Variants in ATF7IP2 observed in about 807,000 individuals in gnomAD.
The protein encoded by ATF7IP2 is activating transcription factor 7-interacting protein 2.
ATF7IP2 carries 42 observed loss-of-function variants against 64.2 expected under a neutral mutation model. That is an observed-to-expected ratio of 0.65 (90% CI 0.51 to 0.85). The LOEUF (loss-of-function observed/expected upper bound fraction) is 0.85. Ranked by LOEUF, ATF7IP2 falls within the 40% of genes least tolerant of loss-of-function variation. The pLI is 0.00. For missense variants in ATF7IP2, 933 were observed against 784.2 expected, an observed-to-expected ratio of 1.19 and a Z score of -2.27; for synonymous variants, 308 against 272.8, an observed-to-expected ratio of 1.13 and a Z score of -1.27.
chr16:10,460,617 C>G (rs1428419462), intron 9 of ATF7IP2, among the ~76,000 whole-genome samples: 4 of 152,104 alleles, frequency 2.6e-5, no homozygotes, highest in East Asian at 1.9e-4. Context: ...AAATGATTGA[C>G]TTTTAGTAAA....
chr16:10,440,699 C>T, intron 8 of ATF7IP2, among the ~76,000 whole-genome samples: 1 of 152,130 alleles, frequency 6.6e-6, no homozygotes, highest in Non-Finnish European at 1.5e-5. Context: ...ATTGGCTTCC[C>T]CCACCCCCAT....
intron 8 of ATF7IP2, chr16:10,446,677 G>A (rs1169240591): frequency 1.3e-5 from 2 of 152,166 alleles, no homozygotes; most frequent in Admixed American, 1.3e-4. Flanking sequence ...TTTTTCTTGT[G>A]TTTAGTCCTT....
At chr16:10,436,635 T>G (rs2048429326) in intron 6 of ATF7IP2, among the ~76,000 whole-genome samples, 1 of 152,114 alleles carries the variant, frequency 6.6e-6, no homozygotes, top group Admixed American at 6.5e-5. Context: ...TATAAGAGTT[T>G]AACGTAGGAA....
chr16:10,460,007 G>A (rs955125861), intron 9 of ATF7IP2, among the ~76,000 whole-genome samples: 2 of 152,146 alleles, frequency 1.3e-5, no homozygotes, highest in African/African-American at 4.8e-5. Context: ...ATTTTGGGGT[G>A]ATTGGGGGGT....
At chr16:10,437,500 C>T (rs118124061) in intron 6 of ATF7IP2, among the ~76,000 whole-genome samples, 8 of 152,234 alleles carry the variant, frequency 5.3e-5, no homozygotes, top group Non-Finnish European at 1.0e-4. Context: ...TGCTCTTTTG[C>T]GTATTACCTT....
intron 6 of ATF7IP2, among the ~76,000 whole-genome samples, chr16:10,435,332 C>A (rs1375060138): frequency 1.3e-5 from 2 of 152,080 alleles, no homozygotes; most frequent in Non-Finnish European, 2.9e-5. Context: ...AAGGGTTTTT[C>A]CTTTACAGTC....
At chr16:10,400,019 C>G (rs1314260273) in intron 1 of ATF7IP2, among the ~76,000 whole-genome samples, 2 of 152,052 alleles carry the variant, frequency 1.3e-5, no homozygotes, top group African/African-American at 4.8e-5. Flanking sequence ...AAATGCTACA[C>G]ATTTTAATTT....
Position 10,430,626 on chromosome 16 carries a change from A to G in ATF7IP2, c.6A>G (p.Ala2=). Residue 2 remains alanine, a synonymous_variant, in exon 5 of 14, where the codon GCA becomes GCG. Coordinates refer to ENST00000562102, the MANE Select transcript of ATF7IP2 (RefSeq NM_001393719.1). ...TAAATTCCAGGATATGAAAGATGGC[A>G]AGTCCAGATAGAAGTAAACGGAAGA... M[A]SPDRSKRKIL... is the part of the protein sequence containing the mutation. The G allele has an allele frequency of 6.2e-7, 1 of 1,604,226 alleles. No individual in the cohort carries two copies. Among genetic ancestry groups the G allele is most frequent in the East Asian group, 2.2e-5 (1 of 44,694 alleles).
intron 12 of ATF7IP2, 66 bp from the exon 13 acceptor site, chr16:10,480,813 G>A: frequency 9.3e-7 from 1 of 1,073,024 alleles, no homozygotes; most frequent in Non-Finnish European, 1.4e-6. Flanking sequence ...GTAAACTATA[G>A]CTTAAAGGCT....
At chr16:10,466,292 T>G (rs1194776347) in intron 9 of ATF7IP2, among the ~76,000 whole-genome samples, 3 of 152,266 alleles carry the variant, frequency 2.0e-5, no homozygotes, top group Non-Finnish European at 4.4e-5. Context: ...CCATTTTGAT[T>G]GTTTGCAGAT....
intron 9 of ATF7IP2, 91 bp from the exon 10 acceptor site, chr16:10,472,019 T>G (rs1004464946): frequency 2.2e-5 from 12 of 542,848 alleles, no homozygotes; most frequent in African/African-American, 1.9e-4. Context: ...TTATGAAATG[T>G]TAAGTTAGAG....
chr16:10,437,022 AT>A (rs71402484), intron 6 of ATF7IP2, among the ~76,000 whole-genome samples: 243 of 140,996 alleles, frequency 1.7e-3, no homozygotes, highest in Middle Eastern at 7.3e-3. Context: ...TATTTTTCCC[AT>A]TTTTTTTTTT....
intron 1 of ATF7IP2, among the ~76,000 whole-genome samples, chr16:10,388,669 A>G (rs2141723630): frequency 6.6e-6 from 1 of 152,346 alleles, no homozygotes; most frequent in African/African-American, 2.4e-5. Flanking sequence ...AATATTCATT[A>G]AACAGCATTA....
chr16:10,403,177 C>A (rs1479459789), intron 1 of ATF7IP2, among the ~76,000 whole-genome samples: 2 of 152,142 alleles, frequency 1.3e-5, no homozygotes, highest in African/African-American at 4.8e-5. Flanking sequence ...TAAGTGCCAC[C>A]TATTGGCCTG....
chr16:10,432,112 C>T (rs1032236611), intron 5 of ATF7IP2, among the ~76,000 whole-genome samples: 1 of 151,088 alleles, frequency 6.6e-6, no homozygotes, highest in African/African-American at 2.4e-5. Context: ...GCTGGGATTA[C>T]AGGCGTGAGC....
chr16:10,437,953 G>A (rs1014303802), intron 6 of ATF7IP2, 148 bp from the exon 7 acceptor site: 1 of 515,582 alleles, frequency 1.9e-6, no homozygotes, highest in African/African-American at 2.0e-5. Flanking sequence ...AAACTTACTG[G>A]TATAGTTATA....
chr16:10,457,340 C>T (rs1225700136), intron 8 of ATF7IP2, 32 bp from the exon 9 acceptor site: 9 of 1,572,246 alleles, frequency 5.7e-6, no homozygotes, highest in Non-Finnish European at 7.7e-6. Context: ...GTAAAATTCC[C>T]TTCAACTGCT....
chr16:10,446,538 C>T (rs566352383), intron 8 of ATF7IP2: 4 of 152,284 alleles, frequency 2.6e-5, no homozygotes, highest in African/African-American at 7.2e-5. Context: ...AGGGCTCTTA[C>T]TATTAATATG....
chr16:10,434,588 A>G (rs1015284875), intron 6 of ATF7IP2, among the ~76,000 whole-genome samples: 11 of 152,198 alleles, frequency 7.2e-5, no homozygotes, highest in Admixed American at 5.2e-4. Context: ...GCGAGTCAAC[A>G]GTTTTTCTGT....
Sources: gnomAD v4.1 joint callset for allele counts (sites outside exome capture counted in the v4.1 genomes callset) on GRCh38, gnomAD v4.1.1 for gene constraint, MANE v1.5 for transcripts, NCBI Gene and HGNC (gene_info 2026-07-23, HGNC 2026-07-21) for gene names.